FAM90A20: variants seen among roughly 807,000 people sequenced by gnomAD.
FAM90A20 encodes the protein family with sequence similarity 90 member A20.
At chr8:7,296,220 C>G in the FAM90A20 span, 5 of 666,468 alleles carry the variant, frequency 7.5e-6, 1 homozygote, top group South Asian at 3.0e-5. Context: ...GGGCTGGGCC[C>G]CAGACGGGGT....
chr8:7,296,458 T>C, the FAM90A20 span: 1 of 700,180 alleles, frequency 1.4e-6, no homozygotes, highest in Non-Finnish European at 2.6e-6. Context: ...TTGATTTCCT[T>C]TCAGCTTCCC....
At chr8:7,296,227 G>A in the FAM90A20 span, 2 of 672,422 alleles carry the variant, frequency 3.0e-6, no homozygotes, top group South Asian at 1.5e-5. Flanking sequence ...GCCCCAGACG[G>A]GGTTCTCCCT....
chr8:7,296,779 A>T, the FAM90A20 span, among the ~76,000 whole-genome samples: 1 of 136,054 alleles, frequency 7.4e-6, no homozygotes, highest in South Asian at 2.2e-4. Flanking sequence ...GTTCCACTTC[A>T]TGGAAGGCTG....
chr8:7,297,060 A>C, the FAM90A20 span: 2 of 1,499,092 alleles, frequency 1.3e-6, 1 homozygote, highest in Non-Finnish European at 1.8e-6. Context: ...CCTCTCTTTC[A>C]GGTTGCAAGG....
chr8:7,297,967 C>A, the FAM90A20 span: 8 of 676,090 alleles, frequency 1.2e-5, no homozygotes, highest in Admixed American at 1.7e-4. Flanking sequence ...CGAGCGTCCT[C>A]TATGAGGACC....
At chr8:7,297,465 G>T in the FAM90A20 span, 3,696 of 1,548,324 alleles carry the variant, frequency 2.4e-3, 332 homozygotes, top group Non-Finnish European at 2.7e-3. Context: ...CACAGCTTGG[G>T]CCTAGGCTCC....
the FAM90A20 span, among the ~76,000 whole-genome samples, chr8:7,296,825 G>T: frequency 7.3e-6 from 1 of 136,094 alleles, no homozygotes; most frequent in East Asian, 2.0e-4. Context: ...TGCCCAAGAC[G>T]CAATCTTTTG....
chr8:7,296,098 A>T, the FAM90A20 span, among the ~76,000 whole-genome samples: 3 of 130,532 alleles, frequency 2.3e-5, no homozygotes, highest in Non-Finnish European at 4.6e-5. Context: ...CACAGTCCTT[A>T]GTTGGGAAGC....
chr8:7,296,260 G>C, the FAM90A20 span: 2 of 699,762 alleles, frequency 2.9e-6, no homozygotes, highest in Admixed American at 1.9e-5. Flanking sequence ...AAACCAGGGG[G>C]CACGGCCTGA....
At chr8:7,295,906 C>T in the FAM90A20 span, 2 of 603,388 alleles carry the variant, frequency 3.3e-6, no homozygotes, top group Non-Finnish European at 5.8e-6. Context: ...ACCTGCACAC[C>T]GTGTGCCTTT....
At chr8:7,297,121 C>T in the FAM90A20 span, 6 of 1,509,924 alleles carry the variant, frequency 4.0e-6, no homozygotes, top group Non-Finnish European at 5.4e-6. Context: ...TGGACCCTGT[C>T]CTCTCTGGTC....
chr8:7,296,174 C>G, the FAM90A20 span: 1 of 644,618 alleles, frequency 1.6e-6, no homozygotes, highest in Non-Finnish European at 2.8e-6. Context: ...GGAAAGGGCA[C>G]CAGATTTCCA....
At chr8:7,297,524 C>T in the FAM90A20 span, 60 of 1,519,628 alleles carry the variant, frequency 3.9e-5, 5 homozygotes, top group South Asian at 6.3e-4. Flanking sequence ...GGCTCCGATT[C>T]AGGCTTGCCT....
the FAM90A20 span, chr8:7,297,631 A>T: frequency 1.5e-6 from 2 of 1,368,966 alleles, no homozygotes; most frequent in South Asian, 1.2e-5. Flanking sequence ...TCCAACCTCC[A>T]CCAGCCGCAA....
the FAM90A20 span, chr8:7,297,612 C>T: frequency 2.3e-4 from 338 of 1,440,418 alleles, 26 homozygotes; most frequent in Non-Finnish European, 8.1e-5. Flanking sequence ...CTGGGGGCCC[C>T]GGAGAATCTC....
the FAM90A20 span, chr8:7,296,988 C>T: frequency 7.8e-7 from 1 of 1,281,670 alleles, no homozygotes; most frequent in Non-Finnish European, 1.1e-6. Flanking sequence ...TGCACCTTGT[C>T]TTTGGATGTG....
the FAM90A20 span, among the ~76,000 whole-genome samples, chr8:7,296,557 C>A: frequency 3.7e-5 from 5 of 135,410 alleles, no homozygotes; most frequent in Non-Finnish European, 6.0e-5. Context: ...TGATTCCAGG[C>A]GAAGTCATCT....
chr8:7,297,914 C>G, the FAM90A20 span: 1 of 726,830 alleles, frequency 1.4e-6, no homozygotes, highest in Non-Finnish European at 2.3e-6. Flanking sequence ...TCAGAGCCCT[C>G]ATGTGTCAGA....
At chr8:7,297,704 G>A in the FAM90A20 span, 37 of 1,448,350 alleles carry the variant, frequency 2.6e-5, 5 homozygotes, top group Non-Finnish European at 3.0e-5. Flanking sequence ...GGTGCCCAGC[G>A]TTGAACGGCA....
Sources: allele counts gnomAD v4.1 joint callset (sites outside exome capture counted in the v4.1 genomes callset), GRCh38; gene constraint gnomAD v4.1.1; transcripts MANE v1.5; gene names NCBI Gene and HGNC (gene_info 2026-07-23, HGNC 2026-07-21).